FSHR: variants seen among roughly 807,000 people sequenced by gnomAD.
FSHR encodes the protein follicle-stimulating hormone receptor.
FSHR carries 46 observed loss-of-function variants against 52.1 expected under a neutral mutation model. The observed-to-expected ratio is 0.88, with a 90% confidence interval of 0.70 to 1.13. The LOEUF is 1.13. Ranked by LOEUF, FSHR falls within the 50% of genes most tolerant of loss-of-function variation. The pLI, the probability that FSHR is intolerant of heterozygous loss-of-function variation, is 0.00. For missense variants in FSHR, 964 were observed against 834.6 expected (o/e 1.16, Z -1.91); for synonymous variants, 399 against 309.6 (o/e 1.29, Z -3.03).
At chr2:49,152,222 G>A (rs1673087623) in intron 1 of FSHR, among the ~76,000 whole-genome samples, 1 of 152,130 alleles carries the variant, frequency 6.6e-6, no homozygotes, top group African/African-American at 2.4e-5. Flanking sequence ...ACTGAAGTAA[G>A]GAATTGACCT....
At chr2:49,127,230 A>G (rs1048310165) in intron 1 of FSHR, among the ~76,000 whole-genome samples, 14 of 152,044 alleles carry the variant, frequency 9.2e-5, no homozygotes, top group Admixed American at 6.6e-5. Flanking sequence ...TGGGAGGCTG[A>G]GGCAGGAGAA....
chr2:49,071,470 C>A (rs377676799), intron 1 of FSHR, among the ~76,000 whole-genome samples: 1 of 151,866 alleles, frequency 6.6e-6, no homozygotes. Context: ...TACTTCTGAA[C>A]AAATTTAATT....
intron 2 of FSHR, among the ~76,000 whole-genome samples, chr2:49,061,921 T>C (rs1669324627): frequency 6.7e-6 from 1 of 149,776 alleles, no homozygotes; most frequent in Admixed American, 6.7e-5. Flanking sequence ...GCAAATGTTA[T>C]TAATCCTAAA....
intron 1 of FSHR, among the ~76,000 whole-genome samples, chr2:49,092,093 T>C (rs1380291233): frequency 4.6e-5 from 7 of 152,352 alleles, no homozygotes; most frequent in African/African-American, 1.4e-4. Flanking sequence ...GTATCTATTT[T>C]ATTAGGTTTA....
chr2:49,119,251 T>C (rs1192679572), intron 1 of FSHR, among the ~76,000 whole-genome samples: 1 of 152,244 alleles, frequency 6.6e-6, no homozygotes, highest in Non-Finnish European at 1.5e-5. Context: ...TCACTGTTAC[T>C]TCAAAGTGAT....
At chr2:48,984,279 G>A (rs1165002449) in intron 6 of FSHR, among the ~76,000 whole-genome samples, 1 of 152,142 alleles carries the variant, frequency 6.6e-6, no homozygotes, top group Admixed American at 6.5e-5. Flanking sequence ...TCAATTGGTG[G>A]GTTCTGATGG....
intron 1 of FSHR, among the ~76,000 whole-genome samples, chr2:49,134,665 C>A (rs62162144): frequency 2.0e-5 from 3 of 152,062 alleles, no homozygotes; most frequent in African/African-American, 2.4e-5. Flanking sequence ...GGAACCAACC[C>A]AAATGTCCAT....
intron 2 of FSHR, 65 bp from the exon 3 acceptor site, chr2:49,020,225 C>G (rs755363484): frequency 1.6e-6 from 2 of 1,283,576 alleles, no homozygotes; most frequent in Non-Finnish European, 2.3e-6. Context: ...TTTTAGGGCT[C>G]AGCATAGAGC....
chr2:48,964,062 C>G (rs1387411264), intron 9 of FSHR, 96 bp from the exon 10 acceptor site: 2 of 1,348,704 alleles, frequency 1.5e-6, no homozygotes, highest in Non-Finnish European at 2.1e-6. Flanking sequence ...TGAGTTTCTT[C>G]CTGAGATTTT....
intron 1 of FSHR, among the ~76,000 whole-genome samples, chr2:49,090,493 CA>C (rs1670564228): frequency 6.6e-6 from 1 of 152,002 alleles, no homozygotes; most frequent in Non-Finnish European, 1.5e-5. Context: ...ATGAATATAC[CA>C]CAGTTTGTTT....
At chr2:49,077,108 C>T (rs1669979112) in intron 1 of FSHR, among the ~76,000 whole-genome samples, 1 of 152,218 alleles carries the variant, frequency 6.6e-6, no homozygotes, top group Admixed American at 6.5e-5. Flanking sequence ...AGGGTCCCAC[C>T]ACATATTTCC....
intron 2 of FSHR, among the ~76,000 whole-genome samples, chr2:49,034,517 T>G (rs931279805): frequency 5.9e-5 from 9 of 152,206 alleles, no homozygotes; most frequent in African/African-American, 1.9e-4. Context: ...AAAAGACCCT[T>G]TAGTTCTCCA....
At chr2:48,978,207 C>G (rs1675079173) in intron 8 of FSHR, among the ~76,000 whole-genome samples, 1 of 151,982 alleles carries the variant, frequency 6.6e-6, no homozygotes, top group Non-Finnish European at 1.5e-5. Flanking sequence ...CACTCTGTGC[C>G]CCATTTAATA....
Position 48,963,701 on chromosome 2 carries a change from T to C in FSHR, c.1120A>G (p.Ile374Val). Residue 374 changes from isoleucine (I) to valine (V), a missense_variant, in exon 10 of 10, where the codon ATC (isoleucine) becomes GTC (valine). Ile to Val is a conservative substitution (Grantham distance 29). Transcript: ENST00000406846. ...ATGATGTTCCCAGTGATGGCCAGGA[T>C]GCTGATAAACCATATCAGGACTCTG... ...ILRVLIWFIS[I>V]LAITGNIIVL... is the part of the protein sequence containing the mutation. 6.2e-7 allele frequency: 1 copy of C among 1,614,190 alleles called. No homozygotes were observed. Among genetic ancestry groups the C allele is most frequent in the Non-Finnish European group, 8.5e-7 (1 of 1,180,016 alleles).
chr2:49,019,959 G>T, intron 3 of FSHR, 127 bp downstream of exon 3: 1 of 868,852 alleles, frequency 1.2e-6, no homozygotes, highest in South Asian at 1.3e-5. Flanking sequence ...GGCTGATTTT[G>T]ACATCTTATA....
intron 1 of FSHR, among the ~76,000 whole-genome samples, chr2:49,115,464 A>G (rs955977648): frequency 3.9e-5 from 6 of 152,106 alleles, no homozygotes; most frequent in South Asian, 2.1e-4. Context: ...TCGTAAACCA[A>G]TAGTTGTTAA....
At chr2:48,968,254 A>T (rs901426368) in intron 9 of FSHR, among the ~76,000 whole-genome samples, 3 of 152,198 alleles carry the variant, frequency 2.0e-5, no homozygotes, top group African/African-American at 7.2e-5. Flanking sequence ...AGTGATTGGG[A>T]TGTGCGGCAG....
At chr2:49,044,749 T>C (rs1346853692) in intron 2 of FSHR, among the ~76,000 whole-genome samples, 9 of 152,212 alleles carry the variant, frequency 5.9e-5, no homozygotes, top group South Asian at 2.1e-4. Context: ...AGAAACCTTA[T>C]GTGCTAACTT....
chr2:49,127,886 CTT>C (rs1672115680), intron 1 of FSHR, among the ~76,000 whole-genome samples: 1 of 34,016 alleles, frequency 2.9e-5, no homozygotes, highest in Non-Finnish European at 4.6e-5. Flanking sequence ...TCTTCTTCTT[CTT>C]CTTCTTCTTC....
Sources: gnomAD v4.1 joint callset for allele counts (sites outside exome capture counted in the v4.1 genomes callset) on GRCh38, gnomAD v4.1.1 for gene constraint, MANE v1.5 for transcripts, NCBI Gene and HGNC (gene_info 2026-07-23, HGNC 2026-07-21) for gene names.